Variants in TMEM132B observed in about 807,000 individuals in gnomAD.
TMEM132B encodes transmembrane protein 132B.
TMEM132B carries 18 observed loss-of-function variants against 90.8 expected under a neutral mutation model. That is an observed-to-expected ratio of 0.20 (90% confidence interval 0.14 to 0.29). The LOEUF (loss-of-function observed/expected upper bound fraction) is 0.29. TMEM132B is among the 10% of genes least tolerant of loss of function. The pLI is 1.00. For missense variants in TMEM132B, 1,096 were observed against 1,326.8 expected, an observed-to-expected ratio of 0.83 and a Z score of 2.70; for synonymous variants, 504 against 523.3, an observed-to-expected ratio of 0.96 and a Z score of 0.50.
chr12:125,231,208 CGTGT>C (rs140099684), intron 1 of TMEM132B, among the ~76,000 whole-genome samples: 1,852 of 146,474 alleles, frequency 0.013, 43 homozygotes, highest in African/African-American at 0.044. Flanking sequence ...GGCTGTCTTC[CGTGT>C]GTGTGTGTGT....
At chr12:125,370,382 G>A (rs1180607147) in intron 2 of TMEM132B, among the ~76,000 whole-genome samples, 1 of 152,230 alleles carries the variant, frequency 6.6e-6, no homozygotes, top group South Asian at 2.1e-4. Flanking sequence ...AGAGAGAGGA[G>A]CAAAACATCA....
chr12:125,529,107 T>C (rs1883577654), intron 4 of TMEM132B, among the ~76,000 whole-genome samples: 1 of 151,742 alleles, frequency 6.6e-6, no homozygotes, highest in Admixed American at 6.6e-5. Context: ...TCTTTTGAGA[T>C]AAAGCCTCAC....
intron 4 of TMEM132B, among the ~76,000 whole-genome samples, chr12:125,564,387 T>G (rs2136807092): frequency 6.6e-6 from 1 of 152,356 alleles, no homozygotes; most frequent in African/African-American, 2.4e-5. Context: ...GATGTAATTT[T>G]CATAGAGTTC....
intron 2 of TMEM132B, among the ~76,000 whole-genome samples, chr12:125,370,926 A>G (rs1016159827): frequency 6.6e-6 from 1 of 152,182 alleles, no homozygotes; most frequent in Non-Finnish European, 1.5e-5. Flanking sequence ...TGACTTGCAG[A>G]TAGGCCATCT....
intron 1 of TMEM132B, among the ~76,000 whole-genome samples, chr12:125,220,174 G>C (rs77005619): frequency 0.01 from 1,538 of 152,266 alleles, 35 homozygotes; most frequent in East Asian, 0.091. Flanking sequence ...TTTTCTTATA[G>C]CAAGAGTAGC....
chr12:125,383,200 CAGT>C (rs773898190), intron 2 of TMEM132B, among the ~76,000 whole-genome samples: 61 of 152,254 alleles, frequency 4.0e-4, no homozygotes, highest in Non-Finnish European at 7.4e-4. Context: ...TGCAGGATTG[CAGT>C]AGAGTGTGAG....
At chr12:125,596,682 A>G (rs1388889881) in intron 5 of TMEM132B, among the ~76,000 whole-genome samples, 1 of 152,194 alleles carries the variant, frequency 6.6e-6, no homozygotes. Context: ...GCCGTGATAA[A>G]ATAATCTTTT....
intron 4 of TMEM132B, among the ~76,000 whole-genome samples, chr12:125,573,546 A>G (rs1884857541): frequency 6.6e-6 from 1 of 152,242 alleles, no homozygotes; most frequent in Non-Finnish European, 1.5e-5. Flanking sequence ...GTACATAGTC[A>G]AAATAATGTG....
rs1287836115 is a variant in TMEM132B at position 125,218,781 on chromosome 12, T to TTTA, written c.67+31917_67+31918insATT. 1.0e-3 allele frequency among the ~76,000 whole-genome samples: 153 copies of TTTA among 150,152 alleles called. 1 individual carries two copies. Among genetic ancestry groups the TTTA allele is most frequent in the Non-Finnish European group, 1.9e-3 (131 of 67,546 alleles). On this transcript the variant is annotated intron_variant, in intron 1 of 8. Transcript: ENST00000682704. ...TCTTGTTGAAGCTGTTTTTTTTTTT[T>TTTA]TTTTTTTTTATTGGAATTACCCAGC...
intron 4 of TMEM132B, among the ~76,000 whole-genome samples, chr12:125,526,103 T>C (rs995630740): frequency 6.6e-6 from 1 of 152,162 alleles, no homozygotes; most frequent in African/African-American, 2.4e-5. Flanking sequence ...TGGGAGGCTG[T>C]GTCCTCGCCA....
At chr12:125,499,314 G>A (rs11058208) in intron 3 of TMEM132B, among the ~76,000 whole-genome samples, 53,402 of 152,106 alleles carry the variant, frequency 0.35, 10,179 homozygotes, top group Non-Finnish European at 0.43. Context: ...GACTGATTGA[G>A]TTGAGAGCTA....
At chr12:125,269,819 C>T (rs962007643) in intron 1 of TMEM132B, among the ~76,000 whole-genome samples, 11 of 152,114 alleles carry the variant, frequency 7.2e-5, no homozygotes, top group African/African-American at 2.2e-4. Context: ...CAGCTCCTCT[C>T]GGCAAAACCC....
rs190475062 is a variant in TMEM132B, at chr12:125,203,095, T to C, written c.67+16229T>C. 5.7e-3 allele frequency among the ~76,000 whole-genome samples: 869 copies of C among 152,310 alleles called. 22 individuals carry two copies. The highest frequency in any genetic ancestry group is 0.049 in the Admixed American group (756 of 15,302). On this transcript the variant is annotated intron_variant, in intron 1 of 8. Transcript: ENST00000682704. ...GTGCAGAAGCTTACGTCTGCCTCTA[T>C]ACTGAGCTCATCAGGGGCAAAGTTG...
chr12:125,291,742 C>A (rs1269437897), intron 1 of TMEM132B, among the ~76,000 whole-genome samples: 5 of 152,088 alleles, frequency 3.3e-5, no homozygotes, highest in Admixed American at 3.3e-4. Flanking sequence ...CCTATGGGAA[C>A]CATGAGACAT....
chr12:125,631,870 G>A (rs1313002717), intron 5 of TMEM132B, among the ~76,000 whole-genome samples: 1 of 151,510 alleles, frequency 6.6e-6, no homozygotes. Flanking sequence ...CAGTCTATAT[G>A]TGTCTTTATA....
intron 2 of TMEM132B, among the ~76,000 whole-genome samples, chr12:125,403,920 T>C (rs1056877215): frequency 3.9e-5 from 6 of 152,188 alleles, no homozygotes; most frequent in South Asian, 4.1e-4. Flanking sequence ...TCAGTTTAAT[T>C]TGGCCAATGA....
rs752825965 is a variant in TMEM132B, at chr12:125,519,564, T to C, written c.1232T>C (p.Leu411Pro). ...EYPIEDSMSE[L>P]VVSEIFVSQT... ...CCGATTGAGGACTCCATGAGTGAGC[T>C]GGTCGTCTCCGAGATCTTCGTCAGC... Residue 411 changes from leucine to proline, a missense_variant, in exon 4 of 9, where the codon CTG becomes CCG. Leu to Pro is a moderately conservative substitution (Grantham distance 98). Transcript: ENST00000682704. 3 of 1,614,078 alleles carry C rather than the reference T, an allele frequency of 1.9e-6. No homozygotes were observed. Among genetic ancestry groups the C allele is most frequent in the Non-Finnish European group, 2.5e-6 (3 of 1,179,976 alleles).
chr12:125,422,463 C>T (rs931620515), intron 3 of TMEM132B, among the ~76,000 whole-genome samples: 1 of 152,188 alleles, frequency 6.6e-6, no homozygotes, highest in African/African-American at 2.4e-5. Flanking sequence ...AAGCAGTGCC[C>T]ACAGCACCAG....
chr12:125,220,156 T>C (rs989921964), intron 1 of TMEM132B, among the ~76,000 whole-genome samples: 1 of 152,270 alleles, frequency 6.6e-6, no homozygotes, highest in Non-Finnish European at 1.5e-5. Flanking sequence ...TGTTTTTATT[T>C]TCTCCACTTT....
Sources: allele counts gnomAD v4.1 joint callset (sites outside exome capture counted in the v4.1 genomes callset), GRCh38; gene constraint gnomAD v4.1.1; transcripts MANE v1.5; gene names NCBI Gene and HGNC (gene_info 2026-07-23, HGNC 2026-07-21).